Variants in CLDN16 observed in about 807,000 individuals in gnomAD.
CLDN16 encodes claudin 16.
CLDN16 carries 13 observed loss-of-function variants against 24.6 expected under a neutral mutation model. That is an observed-to-expected ratio of 0.53 (90% confidence interval 0.34 to 0.84). The LOEUF (loss-of-function observed/expected upper bound fraction) is 0.84, where lower values mean the gene tolerates loss of function less well. Among genes scored for constraint, CLDN16 ranks in the 40% least tolerant of loss-of-function variants. CLDN16 has a pLI of 0.01. For missense variants in CLDN16, 298 were observed against 292.7 expected, an observed-to-expected ratio of 1.02 and a Z score of -0.13; for synonymous variants, 116 against 106.7, an observed-to-expected ratio of 1.09 and a Z score of -0.54.
chr3:190,315,022 G>T, the CLDN16 span, among the ~76,000 whole-genome samples: 1 of 152,122 alleles, frequency 6.6e-6, no homozygotes, highest in Non-Finnish European at 1.5e-5. Flanking sequence ...GCCATACTGT[G>T]GTATGAAGAG....
At chr3:190,310,966 T>C in the CLDN16 span, among the ~76,000 whole-genome samples, 1 of 152,204 alleles carries the variant, frequency 6.6e-6, no homozygotes, top group Non-Finnish European at 1.5e-5. Context: ...CTTCATTTTT[T>C]TATCAAAAAA....
the CLDN16 span, among the ~76,000 whole-genome samples, chr3:190,299,125 T>C: frequency 6.6e-6 from 1 of 152,354 alleles, no homozygotes; most frequent in East Asian, 1.9e-4. Flanking sequence ...GTCAATCTTG[T>C]GGACATGAGT....
the CLDN16 span, among the ~76,000 whole-genome samples, chr3:190,311,592 A>T: frequency 6.6e-6 from 1 of 151,482 alleles, no homozygotes; most frequent in African/African-American, 2.4e-5. Flanking sequence ...ATCATTAATT[A>T]TATCTGTTAT....
At chr3:190,293,564 G>A in the CLDN16 span, among the ~76,000 whole-genome samples, 1 of 152,222 alleles carries the variant, frequency 6.6e-6, no homozygotes, top group Admixed American at 6.5e-5. Flanking sequence ...TTAAAGTCCA[G>A]TGACCAATGA....
At chr3:190,404,679 G>C in intron 2 of CLDN16, 83 bp from the exon 3 acceptor site, 1 of 1,366,252 alleles carries the variant, frequency 7.3e-7, no homozygotes, top group African/African-American at 1.4e-5. Context: ...TTACCTACTT[G>C]TCTGTTTTTT....
chr3:190,338,794 G>T (rs77165019), intron 1 of CLDN16, among the ~76,000 whole-genome samples: 7,229 of 152,296 alleles, frequency 0.047, 229 homozygotes, highest in Admixed American at 0.059. Flanking sequence ...CAGATAGGAA[G>T]AACTTATTGT....
At chr3:190,334,479 A>G (rs558942915) in intron 1 of CLDN16, among the ~76,000 whole-genome samples, 6 of 152,226 alleles carry the variant, frequency 3.9e-5, no homozygotes, top group Non-Finnish European at 8.8e-5. Context: ...ATTTGTGGAC[A>G]AGCACTGGAC....
rs78451911 is a variant in CLDN16 at position 190,342,791 on chromosome 3, G to C, written n.121+20130G>C. Among the ~76,000 whole-genome samples, 739 of 152,136 alleles carry C rather than the reference G, an allele frequency of 4.9e-3. 5 individuals are homozygous for C. The highest frequency in any genetic ancestry group is 7.8e-3 in the Non-Finnish European group (527 of 67,986). On this transcript the variant is annotated intron_variant and non_coding_transcript_variant, in intron 1 of 4. Coordinates refer to the CLDN16 transcript ENST00000468220. ...AAAAGAAATACATTGGACCCTTCCAGCACACACAAAAATTAATTTAGAATG... is the reference window on the plus strand; with the variant it reads ...AAAAGAAATACATTGGACCCTTCCACCACACACAAAAATTAATTTAGAATG...
intron 1 of CLDN16, among the ~76,000 whole-genome samples, chr3:190,398,641 G>T (rs1268314445): frequency 6.6e-6 from 1 of 152,054 alleles, no homozygotes; most frequent in Non-Finnish European, 1.5e-5. Context: ...CTTCACTGTG[G>T]TTAGTTAGTA....
At chr3:190,375,845 C>A (rs1294078118) in intron 3 of CLDN16, among the ~76,000 whole-genome samples, 1 of 150,214 alleles carries the variant, frequency 6.7e-6, no homozygotes, top group Non-Finnish European at 1.5e-5. Flanking sequence ...CATCTCTTCA[C>A]CCTTGCCTCT....
chr3:190,317,041 G>T, the CLDN16 span, among the ~76,000 whole-genome samples: 6 of 152,164 alleles, frequency 3.9e-5, no homozygotes, highest in Non-Finnish European at 7.4e-5. Context: ...CTAATGGAAT[G>T]ATGAGTGGCA....
chr3:190,367,370 TC>T (rs1242812940), intron 1 of CLDN16, among the ~76,000 whole-genome samples: 1 of 151,886 alleles, frequency 6.6e-6, no homozygotes, highest in Non-Finnish European at 1.5e-5. Flanking sequence ...TAAATTATCT[TC>T]CCCCTGGAAT....
Position 190,388,172 on chromosome 3 carries a change from G to A in CLDN16, c.-158G>A. ...ACAGCCTGTTTGTATTATTCTTACT[G>A]CAACTCAAGACACCTGCAGCAGGGC... On this transcript the variant is annotated 5_prime_UTR_variant, in exon 1 of 5. Transcript: ENST00000264734. The A allele has an allele frequency of 6.2e-7, 1 of 1,613,984 alleles. No homozygotes were observed. The highest frequency in any genetic ancestry group is 1.1e-5 in the South Asian group (1 of 91,074).
Position 190,359,711 on chromosome 3 carries a change from C to T in CLDN16, n.122-11182C>T, listed in dbSNP as rs190052302. 7.9e-5 allele frequency among the ~76,000 whole-genome samples: 12 copies of T among 152,022 alleles called. No individual in the cohort carries two copies. The East Asian group carries it at 2.1e-3, about 27-fold the overall frequency. On this transcript the variant is annotated intron_variant and non_coding_transcript_variant, in intron 1 of 4. Coordinates refer to the CLDN16 transcript ENST00000468220. Reference sequence around the variant, plus strand: ...GCTTGTTCAAAGTAGCATGGGAGCACTGAAGAAGAGTGCTTCAGCGAGCCA... The same window carrying T: ...GCTTGTTCAAAGTAGCATGGGAGCATTGAAGAAGAGTGCTTCAGCGAGCCA...
intron 1 of CLDN16, among the ~76,000 whole-genome samples, chr3:190,392,358 TTTC>T (rs1246206830): frequency 3.9e-5 from 6 of 152,136 alleles, no homozygotes; most frequent in Non-Finnish European, 7.4e-5. Context: ...TTTCTTTCTC[TTTC>T]TTCTTCATCT....
Position 190,341,254 on chromosome 3 carries a change from G to T in CLDN16, n.121+18593G>T, listed in dbSNP as rs377033593. 2.6e-5 allele frequency among the ~76,000 whole-genome samples: 4 copies of T among 152,318 alleles called. No homozygotes were observed. The East Asian group carries it at 5.8e-4, about 22-fold the overall frequency. The stretch of plus-strand genomic sequence containing the variant: ...TCTCTTCCACACTGCCCTAGCAGAG[G>T]TTCTCTATAAGGACCCCACCCCTGT... On this transcript the variant is annotated intron_variant and non_coding_transcript_variant, in intron 1 of 4. Coordinates refer to the CLDN16 transcript ENST00000468220.
upstream of CLDN16, among the ~76,000 whole-genome samples, chr3:190,384,273 C>T (rs983155054): frequency 6.5e-4 from 99 of 152,128 alleles, 1 homozygote; most frequent in Non-Finnish European, 1.6e-4. Flanking sequence ...CTCTTATTAT[C>T]CTAATAAATA....
chr3:190,389,448 T>C (rs964405653), intron 1 of CLDN16, among the ~76,000 whole-genome samples: 3 of 152,258 alleles, frequency 2.0e-5, no homozygotes, highest in Non-Finnish European at 2.9e-5. Flanking sequence ...TAATTTTCTT[T>C]ATTAAACTCT....
chr3:190,328,015 C>T (rs1327967921), intron 1 of CLDN16, among the ~76,000 whole-genome samples: 1 of 151,980 alleles, frequency 6.6e-6, no homozygotes, highest in Non-Finnish European at 1.5e-5. Context: ...GGTGTGGTGG[C>T]TCATCCCTAT....
Sources: gnomAD v4.1 joint callset for allele counts (sites outside exome capture counted in the v4.1 genomes callset) on GRCh38, gnomAD v4.1.1 for gene constraint, MANE v1.5 for transcripts, NCBI Gene and HGNC (gene_info 2026-07-23, HGNC 2026-07-21) for gene names.